The following ARSB variants were observed in gnomAD, a reference collection of about 807,000 sequenced individuals.
ARSB encodes N-acetylgalactosamine-4-sulfatase.
In ARSB, 41 loss-of-function variants were observed where a neutral mutation model predicts 50.9. The ratio of observed to expected loss-of-function variants is 0.81; its 90% CI spans 0.63 to 1.04. The LOEUF (loss-of-function observed/expected upper bound fraction) is 1.04, where lower values mean the gene tolerates loss of function less well. ARSB is among the 50% of genes least tolerant of loss of function. ARSB has a pLI of 0.00. For synonymous variants in ARSB, 269 were observed against 284.8 expected, an observed-to-expected ratio of 0.94 and a Z score of 0.56; for missense variants, 672 against 693.3, an observed-to-expected ratio of 0.97 and a Z score of 0.35.
intron 4 of ARSB, among the ~76,000 whole-genome samples, chr5:78,899,490 A>C (rs1330590133): frequency 1.3e-5 from 2 of 152,144 alleles, no homozygotes; most frequent in Non-Finnish European, 2.9e-5. Flanking sequence ...TACATATTGT[A>C]GGTGGTCTTT....
At chr5:78,984,560 G>A (rs1753055821) in intron 1 of ARSB, among the ~76,000 whole-genome samples, 1 of 152,146 alleles carries the variant, frequency 6.6e-6, no homozygotes, top group African/African-American at 2.4e-5. Context: ...CTCTCCCCTC[G>A]TCTTTGCTCC....
intron 1 of ARSB, among the ~76,000 whole-genome samples, chr5:78,977,240 G>A (rs768328865): frequency 7.7e-4 from 115 of 149,242 alleles, no homozygotes; most frequent in Non-Finnish European, 1.3e-3. Context: ...TGCAATCTCC[G>A]TCTCCCGGGT....
At chr5:78,892,640 C>T (rs528691043) in intron 4 of ARSB, among the ~76,000 whole-genome samples, 147 of 152,166 alleles carry the variant, frequency 9.7e-4, no homozygotes, top group African/African-American at 2.7e-3. Context: ...CAGGGGAGAG[C>T]CAGGATAACT....
intron 4 of ARSB, among the ~76,000 whole-genome samples, chr5:78,939,999 T>C (rs1401237222): frequency 1.3e-5 from 2 of 152,214 alleles, no homozygotes; most frequent in Non-Finnish European, 2.9e-5. Context: ...TGGTATCTCA[T>C]TGTGATTTTG....
At chr5:78,920,327 T>C (rs1339242562) in intron 4 of ARSB, among the ~76,000 whole-genome samples, 1 of 152,188 alleles carries the variant, frequency 6.6e-6, no homozygotes, top group Non-Finnish European at 1.5e-5. Flanking sequence ...GAGGATCGCT[T>C]GAACCCAGGA....
At chr5:78,939,917 A>G (rs1750822697) in intron 4 of ARSB, among the ~76,000 whole-genome samples, 2 of 152,122 alleles carry the variant, frequency 1.3e-5, no homozygotes, top group Non-Finnish European at 1.5e-5. Flanking sequence ...AAGTGTTCCT[A>G]TTTCTCCACA....
At chr5:78,880,098 CCT>C (rs984221644) in intron 5 of ARSB, among the ~76,000 whole-genome samples, 2 of 152,082 alleles carry the variant, frequency 1.3e-5, no homozygotes, top group Admixed American at 6.5e-5. Context: ...AGAACGTGCC[CCT>C]GTTCCATAAG....
chr5:78,885,612 C>T lies in ARSB; in HGVS notation c.1114G>A (p.Asp372Asn), dbSNP rs1747983933. 2 of 1,614,074 alleles carry T rather than the reference C, an allele frequency of 1.2e-6. No homozygotes were observed. The highest frequency in any genetic ancestry group is 1.7e-6 in the Non-Finnish European group (2 of 1,180,024). Residue 372 changes from aspartate to asparagine, a missense_variant, in exon 5 of 8, where the codon GAT becomes AAT. By Grantham distance (23) the Asp-to-Asn change is conservative. Transcript: ENST00000264914. ...RGHTNGTKPL[D>N]GFDVWKTISE... ...ATGGTTTTCCACACGTCGAAGCCATCCAGAGGCTTTGTGCCATTGGTGTGT... is the reference window on the plus strand; with the variant it reads ...ATGGTTTTCCACACGTCGAAGCCATTCAGAGGCTTTGTGCCATTGGTGTGT...
chr5:78,885,416 A>T (rs1447854459), intron 5 of ARSB, 168 bp downstream of exon 5: 5 of 942,914 alleles, frequency 5.3e-6, no homozygotes, highest in African/African-American at 1.7e-5. Context: ...TTTATAATTT[A>T]AAAATATATA....
chr5:78,891,494 A>G (rs1748291639), intron 4 of ARSB, among the ~76,000 whole-genome samples: 1 of 152,198 alleles, frequency 6.6e-6, no homozygotes, highest in Admixed American at 6.5e-5. Flanking sequence ...GCCATGTTCC[A>G]GGGACCACTC....
chr5:78,975,890 A>C lies in ARSB; in HGVS notation c.313-6698T>G, dbSNP rs142030847. Among the ~76,000 whole-genome samples, 1,079 of 152,354 alleles carry C rather than the reference A, an allele frequency of 7.1e-3. 10 individuals carry two copies. The highest frequency in any genetic ancestry group is 0.024 in the African/African-American group (1,018 of 41,574). Reference sequence around the variant, plus strand: ...ACCTCAGAACCACTTATCACAATTAAAATATGTATTAGGAATAACAAAGGT... The same window carrying C: ...ACCTCAGAACCACTTATCACAATTACAATATGTATTAGGAATAACAAAGGT... On this transcript the variant is annotated intron_variant, in intron 1 of 7. Transcript: ENST00000264914.
chr5:78,826,381 TCAA>T (rs1156332125), intron 6 of ARSB, among the ~76,000 whole-genome samples: 1 of 152,256 alleles, frequency 6.6e-6, no homozygotes, highest in Non-Finnish European at 1.5e-5. Flanking sequence ...AGACATTTAT[TCAA>T]CAACTACTTA....
intron 1 of ARSB, among the ~76,000 whole-genome samples, chr5:78,980,258 A>G (rs1211366222): frequency 1.3e-5 from 2 of 152,244 alleles, no homozygotes; most frequent in Non-Finnish European, 2.9e-5. Flanking sequence ...TGCCAGTGGG[A>G]ATGTAAATTG....
chr5:78,972,400 C>A (rs1053116201), intron 1 of ARSB, among the ~76,000 whole-genome samples: 1 of 151,990 alleles, frequency 6.6e-6, no homozygotes, highest in African/African-American at 2.4e-5. Context: ...TGTAAATAAA[C>A]CCTCCCTAAT....
At chr5:78,936,280 A>G in intron 4 of ARSB, among the ~76,000 whole-genome samples, 1 of 150,914 alleles carries the variant, frequency 6.6e-6, no homozygotes, top group Non-Finnish European at 1.5e-5. Context: ...ACAAGGCATC[A>G]TGCTGGGTTA....
intron 1 of ARSB, among the ~76,000 whole-genome samples, chr5:78,975,560 G>A (rs1015544880): frequency 6.6e-6 from 1 of 152,130 alleles, no homozygotes; most frequent in Non-Finnish European, 1.5e-5. Context: ...CTGGTGGAGT[G>A]GCCCCCTTGG....
intron 1 of ARSB, among the ~76,000 whole-genome samples, chr5:78,971,102 C>T (rs1752435730): frequency 6.6e-6 from 1 of 152,134 alleles, no homozygotes. Context: ...CTTCAAAGGC[C>T]CTGAGACCTG....
intron 3 of ARSB, among the ~76,000 whole-genome samples, chr5:78,957,981 A>G (rs1462371880): frequency 7.5e-6 from 1 of 133,926 alleles, no homozygotes; most frequent in Non-Finnish European, 1.7e-5. Flanking sequence ...AAATCAGGAA[A>G]TATCACATCG....
intron 4 of ARSB, among the ~76,000 whole-genome samples, chr5:78,915,544 A>G (rs1008487289): frequency 3.3e-5 from 5 of 152,270 alleles, no homozygotes; most frequent in African/African-American, 1.2e-4. Flanking sequence ...TAATTTGGGG[A>G]AAAAAAGAAA....
Sources: gnomAD v4.1 joint callset for allele counts (sites outside exome capture counted in the v4.1 genomes callset) on GRCh38, gnomAD v4.1.1 for gene constraint, MANE v1.5 for transcripts, NCBI Gene and HGNC (gene_info 2026-07-23, HGNC 2026-07-21) for gene names.